The following PLOD1 variants were observed in gnomAD, a reference collection of about 807,000 sequenced individuals.
PLOD1 encodes the protein lysine hydroxylase.
Under a neutral mutation model 94.7 loss-of-function variants are expected in PLOD1, and 70 were observed. That is an observed-to-expected ratio of 0.74 (90% CI 0.61 to 0.90). The LOEUF (loss-of-function observed/expected upper bound fraction) is 0.90, where lower values mean the gene tolerates loss of function less well. Ranked by LOEUF, PLOD1 falls within the 40% of genes least tolerant of loss-of-function variation. The pLI is 0.00. For synonymous variants in PLOD1, 417 were observed against 400.2 expected (o/e 1.04, Z -0.50); for missense variants, 905 against 972.7 (o/e 0.93, Z 0.93).
In PLOD1 at chr1:11,960,649, C is replaced by T. The variant is rs1224538282; in HGVS notation, c.979C>T (p.Gln327Ter). The T allele has an allele frequency of 1.9e-6, 3 of 1,611,162 alleles. No individual in the cohort carries two copies. Among genetic ancestry groups the T allele is most frequent in the Non-Finnish European group, 1.7e-6 (2 of 1,178,974 alleles). The stretch of plus-strand genomic sequence containing the variant: ...CCTTCCCCATCCCCAACCCCAGGAG[C>T]AGCACCACAAGGCTCAGGTGGAAGA... The part of the protein sequence containing the change: ...HMRLFIHNHE[Q>*]HHKAQVEEFL... The change falls in exon 10 of 19, where the codon CAG becomes TAG. Residue 327 changes from glutamine (Q) to a stop codon, truncating the protein, a stop_gained. Coordinates refer to ENST00000196061, the MANE Select transcript of PLOD1 (RefSeq NM_000302.4). LOFTEE classifies it high-confidence loss of function.
rs200710242 is a variant in PLOD1 at position 11,964,512 on chromosome 1, G to A, written c.1329-132G>A. On this transcript the variant is annotated intron_variant, in intron 12 of 18. Transcript: ENST00000196061. ...GGGGGAATCAAATCAGCACAATTGT[G>A]CCCCCCTAGCCTGTGACTTCCCTTC... is the stretch of plus-strand genomic sequence containing the variant. 28 of 948,448 alleles carry A rather than the reference G, an allele frequency of 3.0e-5. No homozygotes were observed. The East Asian group carries it at 6.8e-4, about 23-fold the overall frequency. 58.8% of individuals were successfully genotyped at this position (948,448 alleles called of 1,614,324 possible). A position where few individuals can be genotyped will look rare whatever the true frequency, so the allele number is the denominator to read the frequency against.
intron 2 of PLOD1, 131 bp from the exon 3 acceptor site, chr1:11,949,642 A>G (rs1229810163): frequency 3.5e-6 from 3 of 866,046 alleles, no homozygotes; most frequent in African/African-American, 1.7e-5. Context: ...CTGGTCTTGA[A>G]TTCCTGACCT....
At chr1:11,951,474 G>A (rs1645700893) in intron 4 of PLOD1, among the ~76,000 whole-genome samples, 1 of 151,808 alleles carries the variant, frequency 6.6e-6, no homozygotes, top group Non-Finnish European at 1.5e-5. Context: ...GCTGAGGCAG[G>A]AGAATCTCTT....
At chr1:11,965,938 T>A (rs1645813981) in intron 14 of PLOD1, among the ~76,000 whole-genome samples, 1 of 151,952 alleles carries the variant, frequency 6.6e-6, no homozygotes, top group Non-Finnish European at 1.5e-5. Context: ...CCCATGAGGG[T>A]GTTGTGATGA....
chr1:11,953,756 C>T (rs896620408), intron 5 of PLOD1, among the ~76,000 whole-genome samples: 3 of 151,498 alleles, frequency 2.0e-5, no homozygotes, highest in Admixed American at 2.0e-4. Flanking sequence ...TGTGCCATTG[C>T]ACTGCAGCCT....
rs543437537 is a variant in PLOD1 at position 11,957,933 on chromosome 1, A to C, written c.833A>C (p.Lys278Thr). Residue 278 changes from lysine to threonine, a missense_variant, in exon 8 of 19, where the codon AAG (lysine) becomes ACG (threonine). Transcript: ENST00000196061. This position sits in a 1 kb window ranked among gnomAD's most constrained non-coding sequence, Gnocchi z 4.1. ...TGTGACGAAGGCTTGCGCAGCCTCA[A>C]GGGCATTGGGGTGAGGCTGCGCCCA... Reference protein sequence around the residue: ...TVCDEGLRSLKGIGDEALPTV... With the variant: ...TVCDEGLRSLTGIGDEALPTV... 1.9e-6 allele frequency: 3 copies of C among 1,610,656 alleles called. No homozygotes were observed. Among genetic ancestry groups the C allele is most frequent in the Non-Finnish European group, 1.7e-6 (2 of 1,176,878 alleles).
intron 4 of PLOD1, among the ~76,000 whole-genome samples, chr1:11,952,266 T>A (rs1041671991): frequency 6.6e-6 from 1 of 152,178 alleles, no homozygotes; most frequent in Non-Finnish European, 1.5e-5. Context: ...GTTTCCCAGA[T>A]AACTGTAAAA....
chr1:11,950,537 C>T lies in PLOD1; in HGVS notation c.466+17C>T. 1 of 1,612,848 alleles carries T rather than the reference C, an allele frequency of 6.2e-7. No individual in the cohort carries two copies. The highest frequency in any genetic ancestry group is 1.1e-5 in the South Asian group (1 of 91,034). On this transcript the variant is annotated intron_variant, in intron 4 of 18. Transcript: ENST00000196061. ...GCTCTGGAGGTGAGAGGCCTGGGTG[C>T]AGGGCGCTTGGCCCAGCAGAGGGGT...
At chr1:11,973,295 T>G (rs547636842) in intron 18 of PLOD1, among the ~76,000 whole-genome samples, 13 of 152,134 alleles carry the variant, frequency 8.5e-5, no homozygotes, top group African/African-American at 3.1e-4. Context: ...GGGCCAGGAG[T>G]TTGAGACCAG....
At position 11,963,419 on chromosome 1, in the gene PLOD1, T is replaced by C. The variant is rs1410318257; in HGVS notation, c.1098-113T>C. The stretch of plus-strand genomic sequence containing the variant: ...AACCTTTGAGGCTGCTGGTGTGACC[T>C]CTCTAAAGCCCCTTGGCTGATATGT... On this transcript the variant is annotated intron_variant, in intron 10 of 18. Transcript: ENST00000196061. The surrounding 1 kb of genome is among the most constrained non-coding windows in gnomAD (Gnocchi z 4.3). The C allele has an allele frequency of 2.7e-6, 2 of 738,710 alleles. No homozygotes were observed. Among genetic ancestry groups the C allele is most frequent in the Non-Finnish European group, 4.9e-6 (2 of 411,226 alleles). The allele number at this position is 738,710 out of a possible 1,614,324, so 45.8% of individuals were successfully genotyped here. A position where few individuals can be genotyped will look rare whatever the true frequency, so the allele number is the denominator to read the frequency against.
intron 4 of PLOD1, among the ~76,000 whole-genome samples, chr1:11,951,437 A>G (rs1645700671): frequency 6.6e-6 from 1 of 151,782 alleles, no homozygotes; most frequent in Non-Finnish European, 1.5e-5. Context: ...GTGGTGGTAC[A>G]CGCCTGTAAT....
intron 1 of PLOD1, among the ~76,000 whole-genome samples, chr1:11,942,139 C>T (rs150782270): frequency 4.9e-4 from 74 of 151,078 alleles, no homozygotes; most frequent in African/African-American, 1.7e-3. Flanking sequence ...CTTGCCACCA[C>T]GTCTAGCTAA....
chr1:11,936,094 G>A (rs1645576644), intron 1 of PLOD1, among the ~76,000 whole-genome samples: 1 of 152,226 alleles, frequency 6.6e-6, no homozygotes, highest in Non-Finnish European at 1.5e-5. Flanking sequence ...CTCCCAAAGT[G>A]TTGGGATTAC....
chr1:11,953,237 G>T (rs1336488609), intron 5 of PLOD1, among the ~76,000 whole-genome samples: 1 of 151,712 alleles, frequency 6.6e-6, no homozygotes, highest in Non-Finnish European at 1.5e-5. Context: ...TGTATTTTTA[G>T]TAGAGACAGG....
intron 1 of PLOD1, among the ~76,000 whole-genome samples, chr1:11,936,209 G>T (rs910569816): frequency 6.6e-6 from 1 of 151,986 alleles, no homozygotes; most frequent in East Asian, 1.9e-4. Flanking sequence ...AGAGGTGGTT[G>T]GTCCGAGGTC....
intron 10 of PLOD1, among the ~76,000 whole-genome samples, chr1:11,961,104 C>T (rs1368682199): frequency 2.0e-5 from 3 of 151,928 alleles, no homozygotes; most frequent in African/African-American, 4.8e-5. Context: ...AAAAAAAAGG[C>T]CGAGAGCAGT....
chr1:11,964,331 G>GGGGGGGGGGC, intron 12 of PLOD1, 31 bp downstream of exon 12: 2 of 1,456,164 alleles, frequency 1.4e-6, no homozygotes, highest in Non-Finnish European at 9.6e-7. Flanking sequence ...GGTGGGTGGG[G>GGGGGGGGGGC]GACACCTTCA....
rs769620321 is a variant in PLOD1 at position 11,950,409 on chromosome 1, C to A, written c.355C>A (p.Gln119Lys). Reference sequence around the variant, plus strand: ...CCGGGAGCTCCTGAAGAAGTTCCGGCAGGCCAGGAGCCAGGTGGTCTTCTC... The same window carrying A: ...CCGGGAGCTCCTGAAGAAGTTCCGGAAGGCCAGGAGCCAGGTGGTCTTCTC... ...GPRELLKKFR[Q>K]ARSQVVFSAE... is the part of the protein sequence containing the mutation. Residue 119 changes from glutamine (Q) to lysine (K), a missense_variant, in exon 4 of 19, where the codon CAG (glutamine) becomes AAG (lysine). By Grantham distance (53) the Gln-to-Lys change is moderately conservative (BLOSUM62 1). Coordinates refer to ENST00000196061, the MANE Select transcript of PLOD1 (RefSeq NM_000302.4). 71 of 1,614,006 alleles carry A rather than the reference C, an allele frequency of 4.4e-5. No homozygotes were observed. The highest frequency in any genetic ancestry group is 5.9e-5 in the Non-Finnish European group (70 of 1,179,956).
intron 2 of PLOD1, among the ~76,000 whole-genome samples, chr1:11,948,759 G>T (rs1046371411): frequency 6.6e-6 from 1 of 151,808 alleles, no homozygotes; most frequent in Non-Finnish European, 1.5e-5. Flanking sequence ...AAAGAAAAAA[G>T]AAACATGAGC....
Sources: gnomAD v4.1 joint callset for allele counts (sites outside exome capture counted in the v4.1 genomes callset) on GRCh38, gnomAD v4.1.1 for gene constraint, Gnocchi (gnomAD v3.1) non-coding constraint, MANE v1.5 for transcripts, NCBI Gene and HGNC (gene_info 2026-07-23, HGNC 2026-07-21) for gene names.